PCMT1: variants seen among roughly 807,000 people sequenced by gnomAD.
The protein encoded by PCMT1 is protein-L-isoaspartate(D-aspartate) O-methyltransferase.
In PCMT1, 9 loss-of-function variants were observed where a neutral mutation model predicts 29.2. That is an observed-to-expected ratio of 0.31 (90% CI 0.19 to 0.54). The LOEUF (loss-of-function observed/expected upper bound fraction) is 0.54, where lower values mean the gene tolerates loss of function less well. Ranked by LOEUF, PCMT1 falls within the 20% of genes least tolerant of loss-of-function variation. The pLI, the probability that PCMT1 is intolerant of heterozygous loss-of-function variation, is 0.95. For missense variants in PCMT1, 184 were observed against 282.2 expected, an observed-to-expected ratio of 0.65 and a Z score of 2.49; for synonymous variants, 98 against 97.5, an observed-to-expected ratio of 1.00 and a Z score of -0.03.
intron 1 of PCMT1, among the ~76,000 whole-genome samples, chr6:149,755,174 G>A (rs1433949458): frequency 6.6e-6 from 1 of 152,176 alleles, no homozygotes; most frequent in African/African-American, 2.4e-5. Flanking sequence ...GGGAGGCTGA[G>A]TCAGGAGGAT....
chr6:149,798,877 A>G (rs1399823680), intron 6 of PCMT1, among the ~76,000 whole-genome samples: 1 of 152,274 alleles, frequency 6.6e-6, no homozygotes, highest in Non-Finnish European at 1.5e-5. Flanking sequence ...GAGACTCTGC[A>G]TGAGGAATAA....
intron 3 of PCMT1, 45 bp downstream of exon 3, chr6:149,773,214 C>T (rs753787463): frequency 1.4e-6 from 2 of 1,433,572 alleles, no homozygotes; most frequent in Non-Finnish European, 2.0e-6. Flanking sequence ...TTACATTTTT[C>T]TCTATAATCA....
intron 7 of PCMT1, among the ~76,000 whole-genome samples, chr6:149,803,105 C>T (rs1775897058): frequency 6.7e-6 from 1 of 150,040 alleles, no homozygotes; most frequent in African/African-American, 2.5e-5. Flanking sequence ...ATTTCCTGCC[C>T]TGTTTATTGT....
chr6:149,799,737 T>C (rs892140337), intron 6 of PCMT1, among the ~76,000 whole-genome samples: 2 of 152,154 alleles, frequency 1.3e-5, no homozygotes, highest in African/African-American at 2.4e-5. Context: ...GTTTGCAGGA[T>C]TGTTACAAAG....
chr6:149,791,333 C>G (rs1788361848), intron 4 of PCMT1, among the ~76,000 whole-genome samples: 1 of 152,166 alleles, frequency 6.6e-6, no homozygotes, highest in African/African-American at 2.4e-5. Context: ...AAAATAATGC[C>G]TTGTTATACT....
At chr6:149,794,932 A>C (rs907589918) in intron 5 of PCMT1, 1 of 449,900 alleles carries the variant, frequency 2.2e-6, no homozygotes, top group Admixed American at 2.4e-5. Flanking sequence ...GTGGTGGCTC[A>C]TGCCTGTAAT....
At chr6:149,791,894 C>T (rs1165759705) in intron 4 of PCMT1, among the ~76,000 whole-genome samples, 1 of 152,172 alleles carries the variant, frequency 6.6e-6, no homozygotes, top group African/African-American at 2.4e-5. Context: ...GTTTTTCACA[C>T]ATTTACCATG....
At chr6:149,810,073 G>C (rs1405430833) in intron 7 of PCMT1, 1 of 152,718 alleles carries the variant, frequency 6.5e-6, no homozygotes. Context: ...CTGGCTGAGT[G>C]AATGGTTTCT....
chr6:149,756,608 A>G (rs1057184509), intron 1 of PCMT1, among the ~76,000 whole-genome samples: 1 of 128,752 alleles, frequency 7.8e-6, no homozygotes, highest in African/African-American at 3.1e-5. Context: ...CAAGTGATCC[A>G]CCCGCCTCAG....
chr6:149,762,092 TTTTG>T (rs1317502314), intron 1 of PCMT1, among the ~76,000 whole-genome samples: 1 of 152,166 alleles, frequency 6.6e-6, no homozygotes, highest in African/African-American at 2.4e-5. Context: ...TGTATAGTGT[TTTTG>T]TTTTTTTTCC....
chr6:149,786,849 G>C lies in PCMT1; in HGVS notation c.193-3105G>C, dbSNP rs540530630. On this transcript the variant is annotated intron_variant, in intron 3 of 7. Coordinates refer to ENST00000464889, the MANE Select transcript of PCMT1 (RefSeq NM_001360452.2). ...TCCTAGATGGGATGGCGGCTGGGCA[G>C]AGACGCTCCTCATATCCCAGACGGG... is the stretch of plus-strand genomic sequence containing the variant. Among the ~76,000 whole-genome samples, 21 of 149,320 alleles carry C rather than the reference G, an allele frequency of 1.4e-4. No individual in the cohort carries two copies. In the South Asian group the frequency reaches 4.3e-3, roughly 31 times the overall value.
chr6:149,768,444 A>ATTTTTTTTTTTTTT (rs548328646), intron 1 of PCMT1, among the ~76,000 whole-genome samples: 1 of 75,856 alleles, frequency 1.3e-5, no homozygotes, highest in Non-Finnish European at 2.2e-5. Context: ...TTAGTCTTGA[A>ATTTTTTTTTTTTTT]TTTTTTTTTT....
chr6:149,775,367 T>C (rs556664617), intron 3 of PCMT1, among the ~76,000 whole-genome samples: 3 of 152,176 alleles, frequency 2.0e-5, no homozygotes, highest in South Asian at 4.2e-4. Flanking sequence ...AACTTACATA[T>C]CTAGGATTTT....
chr6:149,775,633 A>G (rs1260564758), intron 3 of PCMT1, among the ~76,000 whole-genome samples: 2 of 152,142 alleles, frequency 1.3e-5, no homozygotes, highest in African/African-American at 4.8e-5. Flanking sequence ...GTCTGAGTCC[A>G]GGAATTTGAG....
intron 4 of PCMT1, among the ~76,000 whole-genome samples, 160 bp downstream of exon 4, chr6:149,790,218 G>C (rs1464571825): frequency 6.6e-6 from 1 of 152,192 alleles, no homozygotes; most frequent in Non-Finnish European, 1.5e-5. Flanking sequence ...TGTTGCAAGT[G>C]ACAGAACATG....
chr6:149,786,709 C>T (rs1788109250), intron 3 of PCMT1, among the ~76,000 whole-genome samples: 3 of 151,528 alleles, frequency 2.0e-5, no homozygotes, highest in African/African-American at 7.3e-5. Flanking sequence ...CTCCTCACAT[C>T]CCAGACGGGG....
At chr6:149,787,242 C>T (rs1261715001) in intron 3 of PCMT1, among the ~76,000 whole-genome samples, 5 of 120,720 alleles carry the variant, frequency 4.1e-5, no homozygotes, top group African/African-American at 8.6e-5. Flanking sequence ...AGTCCAGCTT[C>T]GGCTCGGCAT....
intron 3 of PCMT1, among the ~76,000 whole-genome samples, chr6:149,775,880 CCAGGCGTGGT>C (rs1281070962): frequency 6.6e-6 from 1 of 152,050 alleles, no homozygotes; most frequent in Non-Finnish European, 1.5e-5. Context: ...TTCATCGTGG[CCAGGCGTGGT>C]GGCTCACATC....
intron 3 of PCMT1, among the ~76,000 whole-genome samples, chr6:149,786,364 G>GT (rs1373713098): frequency 3.2e-5 from 3 of 94,170 alleles, no homozygotes; most frequent in Admixed American, 2.2e-4. Context: ...CCGGGCGGGG[G>GT]GCTGACCCCC....
Sources: gnomAD v4.1 joint callset for allele counts (sites outside exome capture counted in the v4.1 genomes callset) on GRCh38, gnomAD v4.1.1 for gene constraint, MANE v1.5 for transcripts, NCBI Gene and HGNC (gene_info 2026-07-23, HGNC 2026-07-21) for gene names.